MOG: variants seen among roughly 807,000 people sequenced by gnomAD.
MOG encodes the protein myelin oligodendrocyte glycoprotein.
A neutral mutation model predicts 35.9 loss-of-function variants in MOG; 20 were observed. That is an observed-to-expected ratio of 0.56 (90% CI 0.39 to 0.81). MOG has a LOEUF of 0.81. Among genes scored for constraint, MOG ranks in the 30% least tolerant of loss-of-function variants. The pLI, the probability that MOG is intolerant of heterozygous loss-of-function variation, is 0.00. For missense variants in MOG, 251 were observed against 301.0 expected (o/e 0.83, Z 1.23); for synonymous variants, 92 against 114.3 (o/e 0.80, Z 1.25).
intron 2 of MOG, among the ~76,000 whole-genome samples, chr6:29,660,562 G>GCACACA (rs35514085): frequency 0.011 from 1,426 of 129,160 alleles, 17 homozygotes; most frequent in Admixed American, 0.019. Context: ...ATTTGTGAGC[G>GCACACA]CACACACACA....
At chr6:29,659,731 C>T in intron 2 of MOG, 65 bp downstream of exon 2, 1 of 1,329,910 alleles carries the variant, frequency 7.5e-7, no homozygotes, top group Non-Finnish European at 1.1e-6. Flanking sequence ...ATTCTCTCAA[C>T]TGAGATGAGA....
chr6:29,661,031 T>G (rs1328038394), intron 2 of MOG, among the ~76,000 whole-genome samples: 1 of 152,146 alleles, frequency 6.6e-6, no homozygotes, highest in Non-Finnish European at 1.5e-5. Flanking sequence ...TTTCAACATG[T>G]TTTGCATGAT....
intron 3 of MOG, 35 bp from the exon 4 acceptor site, chr6:29,667,608 T>C (rs1456754631): frequency 3.7e-6 from 6 of 1,613,360 alleles, no homozygotes; most frequent in Non-Finnish European, 5.1e-6. Context: ...AGCCAGAACA[T>C]GCAGGAACTA....
intron 4 of MOG, 47 bp from the exon 5 acceptor site, chr6:29,667,857 C>T (rs753842880): frequency 1.9e-6 from 3 of 1,610,490 alleles, no homozygotes; most frequent in South Asian, 1.1e-5. Flanking sequence ...ATAAAAGATC[C>T]TTTTTGAGTG....
intron 5 of MOG, among the ~76,000 whole-genome samples, chr6:29,669,319 A>T (rs909892366): frequency 1.8e-4 from 26 of 147,374 alleles, no homozygotes; most frequent in Admixed American, 1.7e-3. Flanking sequence ...TTTTTTTTTG[A>T]GATGAAGTTT....
chr6:29,667,460 A>C (rs567670630), intron 3 of MOG, among the ~76,000 whole-genome samples, 183 bp from the exon 4 acceptor site: 1 of 151,994 alleles, frequency 6.6e-6, no homozygotes, highest in Non-Finnish European at 1.5e-5. Context: ...TTGTATCTAG[A>C]CTATAGCTAG....
chr6:29,664,544 A>G, intron 2 of MOG: 1 of 419,962 alleles, frequency 2.4e-6, no homozygotes. Context: ...GAGGGCTCTT[A>G]ACCTTTTGTT....
chr6:29,659,101 C>G lies in MOG; in HGVS notation c.89-218C>G, dbSNP rs142438118. ...CCAAGATTGCACCACTGCACTCCAG[C>G]CTGGGCGACAGAGAGTAAGACTGTC... is the stretch of plus-strand genomic sequence containing the variant. On this transcript the variant is annotated intron_variant, in intron 1 of 7. Transcript: ENST00000376917. Among the ~76,000 whole-genome samples the G allele has an allele frequency of 5.2e-3, 798 of 152,080 alleles. 3 individuals are homozygous for G. The highest frequency in any genetic ancestry group is 9.4e-3 in the African/African-American group (391 of 41,456).
At chr6:29,667,406 T>C (rs912712212) in intron 3 of MOG, among the ~76,000 whole-genome samples, 1 of 152,206 alleles carries the variant, frequency 6.6e-6, no homozygotes, top group Non-Finnish European at 1.5e-5. Context: ...ATGTATTGGA[T>C]GCTTGTGCTG....
chr6:29,658,888 G>A (rs1767810619), intron 1 of MOG, among the ~76,000 whole-genome samples: 1 of 152,210 alleles, frequency 6.6e-6, no homozygotes, highest in South Asian at 2.1e-4. Context: ...AAGGCAGGCG[G>A]ATCACCTGAG....
chr6:29,667,639 T>C lies in MOG; in HGVS notation c.551-4T>C. ...AACTAAAATGTTGCCTTTTTCTATT[T>C]TAGGAAAACTTCGAGCAGAGATAGG... is the stretch of plus-strand genomic sequence containing the variant. On this transcript the variant is annotated splice_region_variant and splice_polypyrimidine_tract_variant and intron_variant, in intron 3 of 7. Coordinates refer to ENST00000376917, the MANE Select transcript of MOG (RefSeq NM_206809.4). The C allele has an allele frequency of 6.2e-7, 1 of 1,614,122 alleles. No homozygotes were observed. Among genetic ancestry groups the C allele is most frequent in the Non-Finnish European group, 8.5e-7 (1 of 1,180,024 alleles).
chr6:29,668,994 C>T (rs189158773), intron 5 of MOG, among the ~76,000 whole-genome samples: 65 of 150,526 alleles, frequency 4.3e-4, no homozygotes, highest in Admixed American at 1.3e-3. Flanking sequence ...ATGGCGCGAT[C>T]TAGGCTCACT....
At position 29,661,567 on chromosome 6, in the gene MOG, TC is replaced by T. The variant is rs1462795758; in HGVS notation, c.436+1904del. 2 of 983,632 alleles carry T rather than the reference TC, an allele frequency of 2.0e-6. 1 individual carries two copies. The highest frequency in any genetic ancestry group is 3.5e-5 in the African/African-American group (2 of 57,110). 60.9% of individuals were successfully genotyped at this position (983,632 alleles called of 1,614,324 possible). The stretch of plus-strand genomic sequence containing the variant: ...CGGTTGCGGTGGCTCACACCTATAA[TC>T]CCAAAACTTTGGGAGGCCGAGGCGG... On this transcript the variant is annotated intron_variant, in intron 2 of 7. Coordinates refer to ENST00000376917, the MANE Select transcript of MOG (RefSeq NM_206809.4).
chr6:29,667,674 G>A lies in MOG; in HGVS notation c.571+11G>A. 1 of 1,614,016 alleles carries A rather than the reference G, an allele frequency of 6.2e-7. No individual in the cohort carries two copies. Among genetic ancestry groups the A allele is most frequent in the Non-Finnish European group, 8.5e-7 (1 of 1,180,006 alleles). The stretch of plus-strand genomic sequence containing the variant: ...TTCGAGCAGAGATAGGTGAGTTCCA[G>A]TCATCGTTTCTCCCAATTCTTGCCT... On this transcript the variant is annotated intron_variant, in intron 4 of 7. Coordinates refer to ENST00000376917, the MANE Select transcript of MOG (RefSeq NM_206809.4).
chr6:29,665,250 C>T (rs1021401272), intron 2 of MOG, among the ~76,000 whole-genome samples: 4 of 151,986 alleles, frequency 2.6e-5, no homozygotes, highest in African/African-American at 9.7e-5. Context: ...GACTGTGCCA[C>T]CACGTCCAGC....
rs189554982 is a variant in MOG, at chr6:29,671,115, G to A, written c.731-57G>A. Reference sequence around the variant, plus strand: ...GGCTTTTCTTCTCCCTAGTTCAATGGTTTTATGATACAAACTACTGACATA... The same window carrying A: ...GGCTTTTCTTCTCCCTAGTTCAATGATTTTATGATACAAACTACTGACATA... On this transcript the variant is annotated intron_variant, in intron 7 of 7. Coordinates refer to ENST00000376917, the MANE Select transcript of MOG (RefSeq NM_206809.4). The A allele has an allele frequency of 6.6e-5, 107 of 1,612,930 alleles. No homozygotes were observed. In the South Asian group the frequency reaches 7.7e-4, roughly 12 times the overall value.
chr6:29,658,277 G>A (rs1767609994), intron 1 of MOG, among the ~76,000 whole-genome samples: 1 of 152,234 alleles, frequency 6.6e-6, no homozygotes, highest in African/African-American at 2.4e-5. Flanking sequence ...CCACCTGACT[G>A]ACAGAGGCAC....
chr6:29,659,614 C>T lies in MOG; in HGVS notation c.384C>T (p.Phe128=). Residue 128 remains phenylalanine, a synonymous_variant, in exon 2 of 8, where the codon TTC becomes TTT. Transcript: ENST00000376917. ...CAGATGAAGGAGGTTTCACCTGCTT[C>T]TTCCGAGATCATTCTTACCAAGAGG... ...RFSDEGGFTC[F]FRDHSYQEEA... The T allele has an allele frequency of 6.2e-7, 1 of 1,613,144 alleles. No individual in the cohort carries two copies.
rs371188574 is a variant in MOG at position 29,669,324 on chromosome 6, A to G, written c.593-957A>G. Among the ~76,000 whole-genome samples the G allele has an allele frequency of 2.2e-3, 323 of 149,698 alleles. 7 individuals carry two copies. Among genetic ancestry groups the G allele is most frequent in the Middle Eastern group, 0.014 (4 of 280 alleles). On this transcript the variant is annotated intron_variant, in intron 5 of 7. Transcript: ENST00000376917. ...TCTTTCTTTCTTTTTTTTTGAGATG[A>G]AGTTTTTTTGAGATGGAGTGCAATG...
Sources: allele counts gnomAD v4.1 joint callset (sites outside exome capture counted in the v4.1 genomes callset), GRCh38; gene constraint gnomAD v4.1.1; transcripts MANE v1.5; gene names NCBI Gene and HGNC (gene_info 2026-07-23, HGNC 2026-07-21).